Variants in HMGA1 observed in about 807,000 individuals in gnomAD.
HMGA1 encodes the protein high mobility group AT-hook 1.
In HMGA1, 1 loss-of-function variant was observed where a neutral mutation model predicts 15.1. The ratio of observed to expected loss-of-function variants is 0.07; its 90% CI spans 0.02 to 0.31. The LOEUF (loss-of-function observed/expected upper bound fraction) is 0.31. HMGA1 is among the 10% of genes least tolerant of loss of function. The pLI, the probability that HMGA1 is intolerant of heterozygous loss-of-function variation, is 1.00. For missense variants in HMGA1, 94 were observed against 141.4 expected, an observed-to-expected ratio of 0.66 and a Z score of 1.70; for synonymous variants, 56 against 54.8, an observed-to-expected ratio of 1.02 and a Z score of -0.10.
chr6:34,237,984 T>G lies in HMGA1; in HGVS notation c.-45+667T>G, dbSNP rs540498911. ...GGGCCTGCCCTCCGCCCCCACAAAC[T>G]GGTTTCGCTGCTTTGCTGGGCTCTG... On this transcript the variant is annotated intron_variant, in intron 2 of 5. Transcript: ENST00000311487. Among the ~76,000 whole-genome samples, 356 of 152,008 alleles carry G rather than the reference T, an allele frequency of 2.3e-3. 2 individuals are homozygous for G. Among genetic ancestry groups the G allele is most frequent in the African/African-American group, 8.2e-3 (339 of 41,514 alleles).
intron 3 of HMGA1, among the ~76,000 whole-genome samples, chr6:34,241,831 GGA>G (rs1762335889): frequency 6.6e-6 from 1 of 152,320 alleles, no homozygotes; most frequent in East Asian, 1.9e-4. Context: ...TCCGTACGGT[GGA>G]GAGTGGTCTG....
At chr6:34,237,045 G>C (rs1200620913) in intron 1 of HMGA1, 82 bp downstream of exon 1, 1 of 151,844 alleles carries the variant, frequency 6.6e-6, no homozygotes, top group South Asian at 2.1e-4. Context: ...GGCCGCGCAC[G>C]GGCCGTGCCC....
intron 2 of HMGA1, among the ~76,000 whole-genome samples, chr6:34,237,844 C>G (rs1003628646): frequency 6.6e-6 from 1 of 152,026 alleles, no homozygotes; most frequent in East Asian, 2.0e-4. Context: ...CCTACGCCCT[C>G]TCGGCCTTTC....
chr6:34,240,594 C>T, intron 2 of HMGA1, 143 bp from the exon 3 acceptor site: 3 of 685,190 alleles, frequency 4.4e-6, no homozygotes, highest in Non-Finnish European at 5.1e-6. Context: ...GGTGGGCAGA[C>T]CCCTCCATCC....
At chr6:34,238,446 G>T (rs1013053510) in intron 2 of HMGA1, among the ~76,000 whole-genome samples, 2 of 152,228 alleles carry the variant, frequency 1.3e-5, no homozygotes, top group East Asian at 3.8e-4. Flanking sequence ...TCGCCAACTT[G>T]CTGTGTGACC....
In HMGA1 at chr6:34,243,527, A is replaced by C. The variant is rs929513168; in HGVS notation, c.270+9A>C. 2 of 1,610,200 alleles carry C rather than the reference A, an allele frequency of 1.2e-6. No homozygotes were observed. The highest frequency in any genetic ancestry group is 3.4e-5 in the Admixed American group (2 of 59,622). ...GCAGACCCAAAAAACTGGTAGGTGA[A>C]GAAGCAGACTGCTGCTTGCCTCCTG... On this transcript the variant is annotated intron_variant, in intron 5 of 5. Transcript: ENST00000311487.
At chr6:34,239,220 T>G (rs1211771367) in intron 2 of HMGA1, among the ~76,000 whole-genome samples, 1 of 151,946 alleles carries the variant, frequency 6.6e-6, no homozygotes, top group Admixed American at 6.5e-5. Flanking sequence ...AATCACAAGT[T>G]TGCAAAAATG....
At chr6:34,244,803 C>A (rs746815127) in intron 5 of HMGA1, 28 bp from the exon 6 acceptor site, 1 of 1,558,082 alleles carries the variant, frequency 6.4e-7, no homozygotes, top group Non-Finnish European at 8.7e-7. Flanking sequence ...CGGGCCAGAG[C>A]TCACACCAAC....
At chr6:34,240,690 G>C (rs750408572) in intron 2 of HMGA1, 47 bp from the exon 3 acceptor site, 1 of 1,476,514 alleles carries the variant, frequency 6.8e-7, no homozygotes, top group African/African-American at 1.4e-5. Flanking sequence ...GGGGTAGAAA[G>C]TGGCTGAAGC....
intron 2 of HMGA1, among the ~76,000 whole-genome samples, chr6:34,239,251 TA>T (rs1471959064): frequency 7.9e-5 from 12 of 151,708 alleles, no homozygotes; most frequent in African/African-American, 2.7e-4. Context: ...CTCATTGGGG[TA>T]AAAACTCTTT....
intron 2 of HMGA1, among the ~76,000 whole-genome samples, chr6:34,237,650 C>T (rs1368902872): frequency 4.1e-5 from 6 of 147,362 alleles, no homozygotes; most frequent in Non-Finnish European, 6.0e-5. Flanking sequence ...CCGGAGGAGC[C>T]CGGCGCACCT....
Position 34,245,086 on chromosome 6 carries a change from G to A in HMGA1, c.*202G>A. 6.6e-7 allele frequency: 1 copy of A among 1,524,126 alleles called. No homozygotes were observed. Among genetic ancestry groups the A allele is most frequent in the African/African-American group, 1.4e-5 (1 of 72,780 alleles). 94.4% of individuals were successfully genotyped at this position (1,524,126 alleles called of 1,614,324 possible). On this transcript the variant is annotated 3_prime_UTR_variant, in exon 6 of 6. Transcript: ENST00000311487. ...CTGCAGGGCTCCCATGGGCTGAGTG[G>A]GGAGCAGTTTTCCCCTGGCCTCAGT...
chr6:34,245,088 G>C lies in HMGA1; in HGVS notation c.*204G>C. ...GCAGGGCTCCCATGGGCTGAGTGGG[G>C]AGCAGTTTTCCCCTGGCCTCAGTTC... On this transcript the variant is annotated 3_prime_UTR_variant, in exon 6 of 6. Transcript: ENST00000311487. 3.3e-6 allele frequency: 5 copies of C among 1,523,250 alleles called. No homozygotes were observed. Among genetic ancestry groups the C allele is most frequent in the South Asian group, 1.2e-5 (1 of 82,998 alleles). 94.4% of individuals were successfully genotyped at this position (1,523,250 alleles called of 1,614,324 possible). A position where few individuals can be genotyped will look rare whatever the true frequency, so the allele number is the denominator to read the frequency against.
At chr6:34,241,247 C>G (rs1364080911) in intron 3 of HMGA1, among the ~76,000 whole-genome samples, 1 of 152,150 alleles carries the variant, frequency 6.6e-6, no homozygotes, top group African/African-American at 2.4e-5. Context: ...CCACTGTGGA[C>G]CAGTAATTTT....
intron 3 of HMGA1, among the ~76,000 whole-genome samples, chr6:34,241,373 T>G (rs961648711): frequency 6.6e-6 from 1 of 152,250 alleles, no homozygotes; most frequent in African/African-American, 2.4e-5. Context: ...TGCTGAATAC[T>G]TATGGTCGAT....
chr6:34,245,921 C>T lies in HMGA1; in HGVS notation c.*1037C>T, dbSNP rs912368599. On this transcript the variant is annotated 3_prime_UTR_variant, in exon 6 of 6. Coordinates refer to ENST00000311487, the MANE Select transcript of HMGA1 (RefSeq NM_145899.3). ...CCGTCATTGCTGCTGCTACCAGCGCCAAATGTTCATCCTCATTGCCTCCTG... is the reference window on the plus strand; with the variant it reads ...CCGTCATTGCTGCTGCTACCAGCGCTAAATGTTCATCCTCATTGCCTCCTG... The T allele has an allele frequency of 6.1e-5, 19 of 310,654 alleles. No individual in the cohort carries two copies. Among genetic ancestry groups the T allele is most frequent in the Admixed American group, 6.0e-4 (12 of 20,122 alleles). The allele number at this position is 310,654 out of a possible 1,614,324, so 19.2% of individuals were successfully genotyped here. A position where few individuals can be genotyped will look rare whatever the true frequency, so the allele number is the denominator to read the frequency against.
At chr6:34,237,927 G>T (rs1459987866) in intron 2 of HMGA1, among the ~76,000 whole-genome samples, 1 of 152,092 alleles carries the variant, frequency 6.6e-6, no homozygotes, top group East Asian at 1.9e-4. Context: ...CCCACCTCTG[G>T]CCTGGCCCGC....
intron 5 of HMGA1, among the ~76,000 whole-genome samples, chr6:34,244,075 G>C (rs913480238): frequency 6.6e-6 from 1 of 151,852 alleles, no homozygotes; most frequent in East Asian, 1.9e-4. Flanking sequence ...ACTGCAGTTA[G>C]GGTCACCCCA....
intron 2 of HMGA1, among the ~76,000 whole-genome samples, chr6:34,237,662 G>T (rs1364814992): frequency 1.4e-5 from 2 of 139,616 alleles, no homozygotes; most frequent in Non-Finnish European, 3.2e-5. Flanking sequence ...GGCGCACCTC[G>T]CGCGGCGGCC....
Sources: gnomAD v4.1 joint callset for allele counts (sites outside exome capture counted in the v4.1 genomes callset) on GRCh38, gnomAD v4.1.1 for gene constraint, MANE v1.5 for transcripts, NCBI Gene and HGNC (gene_info 2026-07-23, HGNC 2026-07-21) for gene names.